Variants in DNAJC6 observed in about 807,000 individuals in gnomAD.
DNAJC6 encodes DnaJ heat shock protein family (Hsp40) member C6.
In DNAJC6, 34 loss-of-function variants were observed where a neutral mutation model predicts 110.0. The observed-to-expected ratio is 0.31, with a 90% CI of 0.24 to 0.41. DNAJC6 has a LOEUF of 0.41. DNAJC6 is among the 10% of genes least tolerant of loss of function. The pLI is 1.00. For synonymous variants in DNAJC6, 406 were observed against 437.2 expected, an observed-to-expected ratio of 0.93 and a Z score of 0.89; for missense variants, 1,031 against 1,207.8, an observed-to-expected ratio of 0.85 and a Z score of 2.17.
chr1:65,300,804 ACT>A (rs1644971872), intron 1 of DNAJC6, among the ~76,000 whole-genome samples: 1 of 152,066 alleles, frequency 6.6e-6, no homozygotes, highest in Non-Finnish European at 1.5e-5. Context: ...TGCTCTGGAG[ACT>A]CAGCACCCTA....
chr1:65,357,039 T>C (rs1645550642), intron 1 of DNAJC6, among the ~76,000 whole-genome samples: 1 of 152,174 alleles, frequency 6.6e-6, no homozygotes, highest in Non-Finnish European at 1.5e-5. Context: ...CAAAGAAGGA[T>C]GATGAAGCCC....
At chr1:65,268,026 G>A (rs996807687) in intron 1 of DNAJC6, among the ~76,000 whole-genome samples, 5 of 152,146 alleles carry the variant, frequency 3.3e-5, no homozygotes, top group Middle Eastern at 3.4e-3. Context: ...GTGTTGAAAA[G>A]GACCACAACA....
chr1:65,354,431 T>C (rs1475113021), intron 1 of DNAJC6, among the ~76,000 whole-genome samples: 1 of 152,218 alleles, frequency 6.6e-6, no homozygotes, highest in Non-Finnish European at 1.5e-5. Context: ...GGAAACTGCT[T>C]AGCTGAGTGT....
At chr1:65,408,906 C>A in intron 17 of DNAJC6, 123 bp downstream of exon 17, 2 of 1,170,214 alleles carry the variant, frequency 1.7e-6, no homozygotes, top group Non-Finnish European at 2.3e-6. Context: ...GCTGCTATAA[C>A]AAAATACCAT....
At chr1:65,267,951 G>A (rs1653390825) in intron 1 of DNAJC6, among the ~76,000 whole-genome samples, 1 of 151,816 alleles carries the variant, frequency 6.6e-6, no homozygotes, top group African/African-American at 2.4e-5. Context: ...AGCCATTCCT[G>A]GGTCCCAAAT....
chr1:65,411,351 C>T lies in DNAJC6; in HGVS notation c.2736C>T (p.Gly912=), dbSNP rs1646126908. 1.2e-6 allele frequency: 2 copies of T among 1,614,170 alleles called. No homozygotes were observed. Among genetic ancestry groups the T allele is most frequent in the African/African-American group, 1.3e-5 (1 of 75,054 alleles). ...WAGETKWKPV[G]MADLVTPEQV... is the part of the protein sequence containing the mutation. ...GGGAGACCAAGTGGAAACCAGTTGG[C>T]ATGGCAGACCTGGTAACACCAGAGC... Residue 912 remains glycine (G), a synonymous_variant, in exon 18 of 19, where the codon GGC becomes GGT. Transcript: ENST00000371069.
intron 1 of DNAJC6, among the ~76,000 whole-genome samples, chr1:65,342,522 T>G (rs1384923400): frequency 1.3e-5 from 2 of 152,156 alleles, no homozygotes; most frequent in Non-Finnish European, 2.9e-5. Context: ...CTTTCTCGTC[T>G]CCAGAACTGT....
rs1646147579 is a variant in DNAJC6, at chr1:65,413,617, A to G, written c.*592A>G. Reference sequence around the variant, plus strand: ...GAAATGTGGGGAGTGATAATAGTCCAGTGATTAAACTACAGTCCAGTGATT... The same window carrying G: ...GAAATGTGGGGAGTGATAATAGTCCGGTGATTAAACTACAGTCCAGTGATT... On this transcript the variant is annotated 3_prime_UTR_variant, in exon 19 of 19. Coordinates refer to ENST00000371069, the MANE Select transcript of DNAJC6 (RefSeq NM_001256864.2). The G allele has an allele frequency of 6.6e-6, 1 of 152,256 alleles. No individual in the cohort carries two copies. The highest frequency in any genetic ancestry group is 1.5e-5 in the Non-Finnish European group (1 of 68,074). 9.4% of individuals were successfully genotyped at this position (152,256 alleles called of 1,614,324 possible).
intron 1 of DNAJC6, among the ~76,000 whole-genome samples, chr1:65,312,035 T>TCAC (rs1461851927): frequency 6.6e-6 from 1 of 152,342 alleles, no homozygotes; most frequent in Admixed American, 6.5e-5. Flanking sequence ...TCAGACTTTT[T>TCAC]TAATAGGTGG....
At chr1:65,273,205 T>G (rs1653561196) in intron 1 of DNAJC6, among the ~76,000 whole-genome samples, 1 of 152,254 alleles carries the variant, frequency 6.6e-6, no homozygotes, top group Non-Finnish European at 1.5e-5. Flanking sequence ...ACTCTTTGGC[T>G]ATAACTTATG....
rs1051888744 is a variant in DNAJC6, at chr1:65,398,689, A to G, written c.2039-124A>G. The G allele has an allele frequency of 1.6e-5, 14 of 850,714 alleles. No individual in the cohort carries two copies. The African/African-American group carries it at 2.2e-4, about 13-fold the overall frequency. 52.7% of individuals were successfully genotyped at this position (850,714 alleles called of 1,614,324 possible). A position where few individuals can be genotyped will look rare whatever the true frequency, so the allele number is the denominator to read the frequency against. On this transcript the variant is annotated intron_variant, in intron 13 of 18. Coordinates refer to ENST00000371069, the MANE Select transcript of DNAJC6 (RefSeq NM_001256864.2). ...GGCAAGAACTCAGAAGGAGGAGTGG[A>G]TATCTTGGGATCTTGCTGGGGCCAT...
In DNAJC6 at chr1:65,347,652, G is replaced by A. The variant is rs890237306; in HGVS notation, c.194-16983G>A. 2.0e-5 allele frequency among the ~76,000 whole-genome samples: 3 copies of A among 152,018 alleles called. No homozygotes were observed. The East Asian group carries it at 5.8e-4, about 29-fold the overall frequency. On this transcript the variant is annotated intron_variant, in intron 1 of 18. Transcript: ENST00000371069. The stretch of plus-strand genomic sequence containing the variant: ...AACCTTTTTTCATAAATTAGAAACT[G>A]GAATTCATGTCTCTGCTTTTTACCT...
At position 65,342,176 on chromosome 1, in the gene DNAJC6, GGAGTGAGACA is replaced by G. The variant is rs539808231; in HGVS notation, c.194-22456_194-22447del. On this transcript the variant is annotated intron_variant, in intron 1 of 18. Transcript: ENST00000371069. ...ATGTTGTCAGTGGAACACAGGCTTTGGAGTGAGACAGACCTAGGGAAGAGCCTGGCTGTAT... is the reference window on the plus strand; with the variant it reads ...ATGTTGTCAGTGGAACACAGGCTTTGGACCTAGGGAAGAGCCTGGCTGTAT... 2.6e-3 allele frequency among the ~76,000 whole-genome samples: 397 copies of G among 152,254 alleles called. 2 individuals are homozygous for G. Among genetic ancestry groups the G allele is most frequent in the African/African-American group, 9.3e-3 (388 of 41,552 alleles).
intron 12 of DNAJC6, 137 bp downstream of exon 12, chr1:65,393,002 T>C (rs921551527): frequency 2.6e-6 from 2 of 782,108 alleles, no homozygotes; most frequent in Non-Finnish European, 1.8e-6. Flanking sequence ...TCTGTATCTT[T>C]ATTTAAATTG....
chr1:65,295,620 C>G (rs1644921717), intron 1 of DNAJC6, among the ~76,000 whole-genome samples: 1 of 152,140 alleles, frequency 6.6e-6, no homozygotes, highest in Non-Finnish European at 1.5e-5. Flanking sequence ...TAGGGTAGTA[C>G]CTCAATGAAC....
At position 65,312,786 on chromosome 1, in the gene DNAJC6, G is replaced by A. The variant is rs554605863; in HGVS notation, c.193+2848G>A. Among the ~76,000 whole-genome samples the A allele has an allele frequency of 7.2e-5, 11 of 152,210 alleles. No homozygotes were observed. In the South Asian group the frequency reaches 1.5e-3, roughly 20 times the overall value. ...TCAAACCTCTGCATTATTGTTACTC[G>A]CTGAAAAACCTAGTAACCTTTTTCT... On this transcript the variant is annotated intron_variant, in intron 1 of 18. Coordinates refer to ENST00000371069, the MANE Select transcript of DNAJC6 (RefSeq NM_001256864.2).
At chr1:65,265,047 T>G in intron 1 of DNAJC6, 2 of 891,546 alleles carry the variant, frequency 2.2e-6, no homozygotes, top group East Asian at 2.7e-5. Context: ...AGTTTAAAAT[T>G]ACCATACCTA....
At chr1:65,329,122 C>T (rs955097736) in intron 1 of DNAJC6, among the ~76,000 whole-genome samples, 6 of 152,210 alleles carry the variant, frequency 3.9e-5, no homozygotes, top group East Asian at 1.9e-4. Context: ...GGCCGCTTCT[C>T]CTTCCTTTCC....
At chr1:65,349,877 G>T (rs761415181) in intron 1 of DNAJC6, among the ~76,000 whole-genome samples, 1 of 152,070 alleles carries the variant, frequency 6.6e-6, no homozygotes, top group African/African-American at 2.4e-5. Flanking sequence ...TCTAGGAAAC[G>T]TTTGGCAATG....
Sources: gnomAD v4.1 joint callset for allele counts (sites outside exome capture counted in the v4.1 genomes callset) on GRCh38, gnomAD v4.1.1 for gene constraint, MANE v1.5 for transcripts, NCBI Gene and HGNC (gene_info 2026-07-23, HGNC 2026-07-21) for gene names.